The following TENM2 variants were observed in gnomAD, a reference collection of about 807,000 sequenced individuals.
The protein encoded by TENM2 is teneurin-2.
TENM2 carries 52 observed loss-of-function variants against 245.2 expected under a neutral mutation model. The observed-to-expected ratio is 0.21, with a 90% confidence interval of 0.17 to 0.27. TENM2 has a LOEUF of 0.27. Ranked by LOEUF, TENM2 falls within the 10% of genes least tolerant of loss-of-function variation. TENM2 has a pLI of 1.00. For synonymous variants in TENM2, 1,363 were observed against 1,438.9 expected, an observed-to-expected ratio of 0.95 and a Z score of 1.19; for missense variants, 3,046 against 3,666.8, an observed-to-expected ratio of 0.83 and a Z score of 4.37.
chr5:168,047,360 C>A, intron 5 of TENM2, 67 bp from the exon 8 acceptor site: 1 of 1,539,934 alleles, frequency 6.5e-7, no homozygotes, highest in Non-Finnish European at 8.8e-7. Flanking sequence ...GGCACCTGGC[C>A]CTCCCCCTTG....
chr5:167,036,003 A>G, the TENM2 span, among the ~76,000 whole-genome samples: 3 of 152,170 alleles, frequency 2.0e-5, no homozygotes, highest in Admixed American at 6.5e-5. Context: ...TCTGCCTCCC[A>G]AAGTGCTGGG....
the TENM2 span, among the ~76,000 whole-genome samples, chr5:167,094,948 T>C: frequency 4.1e-4 from 63 of 152,230 alleles, no homozygotes; most frequent in Non-Finnish European, 6.8e-4. Flanking sequence ...AGGCCCTGAG[T>C]TGGGTAGCTG....
At chr5:167,838,951 A>C (rs1769243725) in intron 2 of TENM2, among the ~76,000 whole-genome samples, 1 of 152,206 alleles carries the variant, frequency 6.6e-6, no homozygotes, top group Admixed American at 6.5e-5. Flanking sequence ...AATTGGTTCA[A>C]ATTCTGGGCT....
the TENM2 span, among the ~76,000 whole-genome samples, chr5:167,033,814 T>C: frequency 6.6e-6 from 1 of 152,194 alleles, no homozygotes; most frequent in Non-Finnish European, 1.5e-5. Flanking sequence ...GCATTTTTGT[T>C]TTTAGCAAAT....
intron 13 of TENM2, among the ~76,000 whole-genome samples, chr5:168,163,106 A>G (rs906926794): frequency 6.6e-6 from 1 of 152,242 alleles, no homozygotes; most frequent in Non-Finnish European, 1.5e-5. Context: ...ATCTATGCCT[A>G]ACGCACAAAG....
chr5:167,599,545 G>A (rs922900661), intron 2 of TENM2, among the ~76,000 whole-genome samples: 8 of 152,058 alleles, frequency 5.3e-5, no homozygotes, highest in South Asian at 2.1e-4. Flanking sequence ...ATAGTTTGGC[G>A]GTCCCCGTGG....
chr5:167,877,563 T>C (rs1170784573), intron 3 of TENM2, among the ~76,000 whole-genome samples: 1 of 152,194 alleles, frequency 6.6e-6, no homozygotes, highest in African/African-American at 2.4e-5. Context: ...TTGGGGTGAT[T>C]GGTTTATCAT....
At chr5:167,267,850 A>G in the TENM2 span, among the ~76,000 whole-genome samples, 1 of 152,290 alleles carries the variant, frequency 6.6e-6, no homozygotes, top group South Asian at 2.1e-4. Flanking sequence ...ATGGGGCTGT[A>G]CATTTTTTAA....
intron 5 of TENM2, among the ~76,000 whole-genome samples, chr5:168,006,627 G>T (rs558986975): frequency 6.6e-6 from 1 of 152,296 alleles, no homozygotes; most frequent in Admixed American, 6.5e-5. Context: ...ATGAAGAGTA[G>T]TGAGGCCTCA....
At chr5:168,185,974 ATATATATATATATATATTTGAATT>A (rs1240580907) in intron 13 of TENM2, 1,117 of 45,632 alleles carry the variant, frequency 0.024, 17 homozygotes, top group African/African-American at 0.06. Flanking sequence ...ATTTGAATTT[ATATATATATATATATATTTGAATT>A]TATATATATA....
intron 4 of TENM2, among the ~76,000 whole-genome samples, chr5:167,982,998 A>C (rs1782957105): frequency 6.6e-6 from 1 of 152,102 alleles, no homozygotes; most frequent in Non-Finnish European, 1.5e-5. Context: ...CGGTGAACAC[A>C]AATTTAAGTC....
the TENM2 span, among the ~76,000 whole-genome samples, chr5:167,218,844 C>A: frequency 0.13 from 19,036 of 152,096 alleles, 1,386 homozygotes; most frequent in South Asian, 0.18. Flanking sequence ...TGAACTTCTT[C>A]AATACTCATT....
At chr5:167,135,773 G>C in the TENM2 span, among the ~76,000 whole-genome samples, 1 of 152,042 alleles carries the variant, frequency 6.6e-6, no homozygotes, top group South Asian at 2.1e-4. Context: ...TCCAGCATGG[G>C]CAACAGAGCG....
intron 2 of TENM2, among the ~76,000 whole-genome samples, chr5:167,711,623 C>G (rs1758919259): frequency 6.6e-6 from 1 of 152,172 alleles, no homozygotes; most frequent in African/African-American, 2.4e-5. Flanking sequence ...TCTGGGCAGC[C>G]ATTCAGTGAT....
intron 2 of TENM2, among the ~76,000 whole-genome samples, chr5:167,819,031 T>G (rs545770649): frequency 4.6e-5 from 7 of 151,998 alleles, no homozygotes; most frequent in Non-Finnish European, 7.4e-5. Context: ...TTTGGGTAGC[T>G]GGGTTGTATC....
chr5:167,175,708 C>A, the TENM2 span, among the ~76,000 whole-genome samples: 1 of 152,224 alleles, frequency 6.6e-6, no homozygotes, highest in South Asian at 2.1e-4. Flanking sequence ...TGTGGTCTTT[C>A]TTTTTGTTGT....
chr5:167,564,600 A>G (rs1304849622), intron 2 of TENM2, among the ~76,000 whole-genome samples: 1 of 152,154 alleles, frequency 6.6e-6, no homozygotes, highest in African/African-American at 2.4e-5. Context: ...GCAGATTGAA[A>G]CAAGAGGAAA....
chr5:167,083,299 T>G, the TENM2 span, among the ~76,000 whole-genome samples: 3 of 152,162 alleles, frequency 2.0e-5, no homozygotes, highest in African/African-American at 7.2e-5. Context: ...TTTATTCAGG[T>G]TTCTCATCTT....
intron 5 of TENM2, among the ~76,000 whole-genome samples, chr5:168,022,678 A>G (rs976363119): frequency 6.6e-6 from 1 of 152,258 alleles, no homozygotes; most frequent in Non-Finnish European, 1.5e-5. Context: ...GAAACACTCC[A>G]TGAAATGGAG....
Sources: allele counts gnomAD v4.1 joint callset (sites outside exome capture counted in the v4.1 genomes callset), GRCh38; gene constraint gnomAD v4.1.1; transcripts MANE v1.5; gene names NCBI Gene and HGNC (gene_info 2026-07-23, HGNC 2026-07-21).